Variants in NQO1 observed in about 807,000 individuals in gnomAD.
The protein encoded by NQO1 is NAD(P)H quinone dehydrogenase 1.
A neutral mutation model predicts 32.1 loss-of-function variants in NQO1; 30 were observed. The observed-to-expected ratio is 0.94, with a 90% CI of 0.70 to 1.27. The LOEUF is 1.27. NQO1 is among the 50% of genes most tolerant of loss of function. The probability of loss-of-function intolerance (pLI) is 0.00; values close to 1 mark genes in which losing one functional copy is unlikely to be tolerated. For synonymous variants in NQO1, 109 were observed against 119.7 expected (o/e 0.91, Z 0.59); for missense variants, 276 against 331.3 (o/e 0.83, Z 1.30).
chr16:69,723,452 C>T (rs565777200), intron 1 of NQO1, among the ~76,000 whole-genome samples: 82 of 152,006 alleles, frequency 5.4e-4, no homozygotes, highest in Non-Finnish European at 9.1e-4. Flanking sequence ...CATCAAAGTG[C>T]AGTACCTGGA....
At chr16:69,726,284 G>T (rs1365946276) in intron 1 of NQO1, 149 bp downstream of exon 1, 1 of 1,104,820 alleles carries the variant, frequency 9.1e-7, no homozygotes, top group Non-Finnish European at 1.3e-6. Flanking sequence ...CCCGGAGTCC[G>T]ATCAAGGCTC....
intron 3 of NQO1, 52 bp from the exon 4 acceptor site, chr16:69,715,129 G>A (rs1171875413): frequency 6.9e-7 from 1 of 1,442,958 alleles, no homozygotes; most frequent in Non-Finnish European, 9.7e-7. Flanking sequence ...CCCAAGCCCA[G>A]AAGGTGGCTC....
intron 5 of NQO1, among the ~76,000 whole-genome samples, chr16:69,712,812 C>T (rs2038058322): frequency 6.6e-6 from 1 of 152,044 alleles, no homozygotes; most frequent in Non-Finnish European, 1.5e-5. Flanking sequence ...TGAAACCAGC[C>T]TGGCTAACAT....
chr16:69,722,245 C>T lies in NQO1; in HGVS notation c.8-3711G>A, dbSNP rs535757305. 2.0e-4 allele frequency among the ~76,000 whole-genome samples: 31 copies of T among 152,250 alleles called. 1 individual carries two copies. The highest frequency in any genetic ancestry group is 3.4e-3 in the Middle Eastern group (1 of 294). ...GTGGCGCCATCTCGGCTTACAGCAA[C>T]TTCTGCCTCCCGGGTTCAAGCGATT... On this transcript the variant is annotated intron_variant, in intron 1 of 5. Coordinates refer to ENST00000320623, the MANE Select transcript of NQO1 (RefSeq NM_000903.3).
intron 1 of NQO1, among the ~76,000 whole-genome samples, chr16:69,722,988 C>T (rs962466348): frequency 5.3e-5 from 8 of 152,118 alleles, no homozygotes; most frequent in African/African-American, 1.2e-4. Context: ...AGTGCAGTGG[C>T]GCGATCTCGG....
At position 69,710,161 on chromosome 16, in the gene NQO1, C is replaced by T. The variant is rs551472345; in HGVS notation, c.*815G>A. 1.0e-4 allele frequency: 16 copies of T among 160,768 alleles called. No homozygotes were observed. Among genetic ancestry groups the T allele is most frequent in the Non-Finnish European group, 2.0e-4 (15 of 73,998 alleles). The allele number at this position is 160,768 out of a possible 1,614,324, so 10.0% of individuals were successfully genotyped here. ...CAGCCTGGCCAACATGGTGAAACGC[C>T]GTCTCTACTAAAAATACAAAAATTA... On this transcript the variant is annotated 3_prime_UTR_variant, in exon 6 of 6. Coordinates refer to ENST00000320623, the MANE Select transcript of NQO1 (RefSeq NM_000903.3).
rs2054390082 is a variant in NQO1 at position 69,709,612 on chromosome 16, TG to T, written c.*1363del. On this transcript the variant is annotated 3_prime_UTR_variant, in exon 6 of 6. Coordinates refer to ENST00000320623, the MANE Select transcript of NQO1 (RefSeq NM_000903.3). The stretch of plus-strand genomic sequence containing the variant: ...GCTCGGTCCAATCCCTTCATTTTCT[TG>T]GCAAGTAAGAGGCTGTCTCCCATTT... 2 of 394,160 alleles carry T rather than the reference TG, an allele frequency of 5.1e-6. No homozygotes were observed. The highest frequency in any genetic ancestry group is 8.9e-6 in the Non-Finnish European group (2 of 223,736). 24.4% of individuals were successfully genotyped at this position (394,160 alleles called of 1,614,324 possible). A position where few individuals can be genotyped will look rare whatever the true frequency, so the allele number is the denominator to read the frequency against.
chr16:69,720,985 A>G (rs116066566), intron 1 of NQO1, among the ~76,000 whole-genome samples: 7,259 of 151,428 alleles, frequency 0.048, 209 homozygotes, highest in South Asian at 0.078. Context: ...GGCTCAAGCT[A>G]TCCTCCCACC....
chr16:69,726,552 G>T lies in NQO1; in HGVS notation c.-113C>A. On this transcript the variant is annotated 5_prime_UTR_variant, in exon 1 of 6. Transcript: ENST00000320623. ...CGGCTCCGGCTGCAACCTTGTGGGA[G>T]TCGCGTGTGTAGTGCACGGTGCATT... 6.9e-7 allele frequency: 1 copy of T among 1,449,770 alleles called. No homozygotes were observed. Among genetic ancestry groups the T allele is most frequent in the Non-Finnish European group, 9.4e-7 (1 of 1,063,554 alleles). 89.8% of individuals were successfully genotyped at this position (1,449,770 alleles called of 1,614,324 possible).
chr16:69,718,443 T>G lies in NQO1; in HGVS notation c.99A>C (p.Lys33Asn). ...KEAAAAALKK[K>N]GWEVVESDLY... ...GGTCCGACTCCACCACCTCCCATCC[T>G]TTCTTCTTCAAAGCCGCTGCAGCAG... Residue 33 changes from lysine to asparagine, a missense_variant, in exon 2 of 6, where the codon AAA (lysine) becomes AAC (asparagine). Physicochemically the swap from Lys to Asn is moderately conservative, Grantham distance 94. Coordinates refer to ENST00000320623, the MANE Select transcript of NQO1 (RefSeq NM_000903.3). 1.9e-6 allele frequency: 3 copies of G among 1,614,136 alleles called. No individual in the cohort carries two copies. Among genetic ancestry groups the G allele is most frequent in the Non-Finnish European group, 2.5e-6 (3 of 1,180,004 alleles).
At chr16:69,720,232 G>C (rs1360109099) in intron 1 of NQO1, among the ~76,000 whole-genome samples, 1 of 152,020 alleles carries the variant, frequency 6.6e-6, no homozygotes, top group East Asian at 1.9e-4. Context: ...CTGCACTCCA[G>C]CCTGGGTGAC....
chr16:69,724,050 A>C (rs765035855), intron 1 of NQO1, among the ~76,000 whole-genome samples: 33 of 151,928 alleles, frequency 2.2e-4, no homozygotes, highest in Non-Finnish European at 4.6e-4. Flanking sequence ...GTGGTGGCTC[A>C]TGCCTGTAAT....
At chr16:69,714,230 C>T (rs1308784563) in intron 4 of NQO1, among the ~76,000 whole-genome samples, 1 of 150,826 alleles carries the variant, frequency 6.6e-6, no homozygotes. Flanking sequence ...AGTGCAGTGG[C>T]GCGATCTTGG....
intron 1 of NQO1, among the ~76,000 whole-genome samples, chr16:69,718,789 C>T (rs2038151190): frequency 6.6e-6 from 1 of 152,084 alleles, no homozygotes; most frequent in South Asian, 2.1e-4. Context: ...AATCCCAGCA[C>T]TTTGGGAGGC....
Position 69,711,051 on chromosome 16 carries a change from C to A in NQO1, c.750G>T (p.Lys250Asn). The A allele has an allele frequency of 1.2e-6, 2 of 1,614,206 alleles. No homozygotes were observed. Among genetic ancestry groups the A allele is most frequent in the Non-Finnish European group, 1.7e-6 (2 of 1,180,032 alleles). ...KKEVQDEEKN[K>N]KFGLSVGHHL... The stretch of plus-strand genomic sequence containing the variant: ...GATGGCCCACAGAAAGGCCAAATTT[C>A]TTGTTTTTCTCCTCATCCTGTACCT... The change falls in exon 6 of 6, where the codon AAG becomes AAT. Residue 250 changes from lysine to asparagine, a missense_variant. Coordinates refer to ENST00000320623, the MANE Select transcript of NQO1 (RefSeq NM_000903.3).
intron 5 of NQO1, among the ~76,000 whole-genome samples, chr16:69,712,068 G>C (rs758194122): frequency 6.6e-6 from 1 of 152,150 alleles, no homozygotes; most frequent in Non-Finnish European, 1.5e-5. Flanking sequence ...TTTTATCCAT[G>C]TATAAACTGG....
In NQO1 at chr16:69,714,994, G is replaced by C. The variant is rs368004954; in HGVS notation, c.387C>G (p.Tyr129Ter). The part of the protein sequence containing the change: ...RVFIGEFAYT[Y>*]AAMYDKGPFR... Reference sequence around the variant, plus strand: ...AGGGTCCTTTGTCATACATGGCAGCGTAAGTGTAAGCAAACTCTCCTATGA... The same window carrying C: ...AGGGTCCTTTGTCATACATGGCAGCCTAAGTGTAAGCAAACTCTCCTATGA... Residue 129 changes from tyrosine to a stop codon, truncating the protein, a stop_gained, in exon 4 of 6, where the codon TAC becomes TAG. Coordinates refer to ENST00000320623, the MANE Select transcript of NQO1 (RefSeq NM_000903.3). LOFTEE classifies it high-confidence loss of function. 4.8e-5 allele frequency: 77 copies of C among 1,613,522 alleles called. No homozygotes were observed. The highest frequency in any genetic ancestry group is 6.3e-5 in the Non-Finnish European group (74 of 1,179,726).
At position 69,726,416 on chromosome 16, in the gene NQO1, C is replaced by T. The variant is rs2038263982; in HGVS notation, c.7+17G>A. On this transcript the variant is annotated intron_variant, in intron 1 of 5. Coordinates refer to ENST00000320623, the MANE Select transcript of NQO1 (RefSeq NM_000903.3). The stretch of plus-strand genomic sequence containing the variant: ...CGAGAGACGACCGCCAAGCACCCCG[C>T]CCTTTGCAGCACTCACCGACCATGG... The T allele has an allele frequency of 6.2e-7, 1 of 1,611,900 alleles. No homozygotes were observed.
chr16:69,723,313 A>C (rs1283383854), intron 1 of NQO1, among the ~76,000 whole-genome samples: 2 of 152,170 alleles, frequency 1.3e-5, no homozygotes, highest in Non-Finnish European at 2.9e-5. Flanking sequence ...AAATGAGCAA[A>C]TCAGGATATC....
Sources: gnomAD v4.1 joint callset for allele counts (sites outside exome capture counted in the v4.1 genomes callset) on GRCh38, gnomAD v4.1.1 for gene constraint, MANE v1.5 for transcripts, NCBI Gene and HGNC (gene_info 2026-07-23, HGNC 2026-07-21) for gene names.